SDHC: variants seen among roughly 807,000 people sequenced by gnomAD.
SDHC encodes succinate dehydrogenase cytochrome b560 subunit, mitochondrial.
In SDHC, 11 loss-of-function variants were observed where a neutral mutation model predicts 22.6. The observed-to-expected ratio is 0.49, with a 90% CI of 0.31 to 0.81. The LOEUF (loss-of-function observed/expected upper bound fraction) is 0.81, where lower values mean the gene tolerates loss of function less well. Ranked by LOEUF, SDHC falls within the 30% of genes least tolerant of loss-of-function variation. The pLI, the probability that SDHC is intolerant of heterozygous loss-of-function variation, is 0.05. For synonymous variants in SDHC, 80 were observed against 77.8 expected (o/e 1.03, Z -0.15); for missense variants, 160 against 212.0 (o/e 0.75, Z 1.52).
rs538142278 is a variant in SDHC, at chr1:161,336,748, G to GT, written c.180-3840dup. ...ATATTTTCTATTACCCATTTTTTGG[G>GT]TTTTTTGAAAGAGGCCTGGAAGTAA... On this transcript the variant is annotated intron_variant, in intron 3 of 5. Transcript: ENST00000367975. 3.0e-3 allele frequency among the ~76,000 whole-genome samples: 463 copies of GT among 152,214 alleles called. 1 individual carries two copies. Among genetic ancestry groups the GT allele is most frequent in the African/African-American group, 0.01 (419 of 41,556 alleles).
chr1:161,358,032 CTTTTTTTTTTTT>C (rs34253350), intron 5 of SDHC, among the ~76,000 whole-genome samples: 2 of 104,830 alleles, frequency 1.9e-5, no homozygotes, highest in Non-Finnish European at 3.8e-5. Context: ...GGTTAGGAAT[CTTTTTTTTTTTT>C]TTTTTTTTTT....
At chr1:161,358,626 C>A (rs113563654) in intron 5 of SDHC, among the ~76,000 whole-genome samples, 17,655 of 149,532 alleles carry the variant, frequency 0.12, 1,395 homozygotes, top group African/African-American at 0.22. Flanking sequence ...GACAGAGTGA[C>A]CCCATCTAAA....
At chr1:161,323,543 A>G (rs1670918666) in intron 1 of SDHC, 71 bp from the exon 2 acceptor site, 21 of 1,198,574 alleles carry the variant, frequency 1.8e-5, no homozygotes, top group Non-Finnish European at 2.5e-5. Context: ...TTCACCCCTA[A>G]AAATAGAGAA....
At chr1:161,345,868 C>G (rs779124425) in intron 4 of SDHC, among the ~76,000 whole-genome samples, 15 of 151,924 alleles carry the variant, frequency 9.9e-5, no homozygotes, top group Non-Finnish European at 2.2e-4. Context: ...TGCAGTGGCG[C>G]GATCTCAGCT....
chr1:161,327,745 G>C (rs971827346), intron 2 of SDHC, among the ~76,000 whole-genome samples: 1 of 151,778 alleles, frequency 6.6e-6, no homozygotes, highest in Non-Finnish European at 1.5e-5. Flanking sequence ...TCTATTTTTA[G>C]TAGAGATGGG....
chr1:161,348,479 A>G (rs1399041127), intron 4 of SDHC, among the ~76,000 whole-genome samples: 1 of 151,698 alleles, frequency 6.6e-6, no homozygotes, highest in Non-Finnish European at 1.5e-5. Context: ...TGAAAGGTTG[A>G]AAGAGGAGAC....
chr1:161,339,585 A>G (rs573539521), intron 3 of SDHC: 1 of 1,262,606 alleles, frequency 7.9e-7, no homozygotes, highest in African/African-American at 1.5e-5. Flanking sequence ...GCAGTCTGGT[A>G]AAGGTAGGGA....
chr1:161,350,077 A>G (rs1672050595), intron 4 of SDHC, among the ~76,000 whole-genome samples: 1 of 151,976 alleles, frequency 6.6e-6, no homozygotes, highest in African/African-American at 2.4e-5. Context: ...TGCCTGGTTA[A>G]TTTTGTATTT....
At chr1:161,355,984 CAAAAAAAAAAAA>C (rs60684612) in intron 4 of SDHC, among the ~76,000 whole-genome samples, 1 of 88,370 alleles carries the variant, frequency 1.1e-5, no homozygotes, top group Non-Finnish European at 2.4e-5. Context: ...GACTCTGTCT[CAAAAAAAAAAAA>C]AAAAAAAAGA....
At chr1:161,360,243 G>T (rs1397541176) in intron 5 of SDHC, among the ~76,000 whole-genome samples, 1 of 150,934 alleles carries the variant, frequency 6.6e-6, no homozygotes, top group East Asian at 1.9e-4. Flanking sequence ...ACACAAGAGA[G>T]TCAAAATTAG....
At chr1:161,334,721 C>T (rs1558170895) in intron 3 of SDHC, among the ~76,000 whole-genome samples, 1 of 124,088 alleles carries the variant, frequency 8.1e-6, no homozygotes, top group Non-Finnish European at 1.6e-5. Flanking sequence ...TTACGGCTCA[C>T]TCCCTCTTTA....
chr1:161,339,643 A>G (rs997238950), intron 3 of SDHC: 3 of 432,344 alleles, frequency 6.9e-6, no homozygotes, highest in Non-Finnish European at 1.0e-5. Context: ...TATTTTTGTA[A>G]CCTAATCCTG....
At chr1:161,333,605 T>C (rs1288460275) in intron 3 of SDHC, among the ~76,000 whole-genome samples, 1 of 152,180 alleles carries the variant, frequency 6.6e-6, no homozygotes, top group Non-Finnish European at 1.5e-5. Context: ...GGTTTCACCA[T>C]GTCGGTCAGG....
chr1:161,347,583 T>C (rs1057176585), intron 4 of SDHC, among the ~76,000 whole-genome samples: 4 of 147,076 alleles, frequency 2.7e-5, no homozygotes, highest in African/African-American at 9.9e-5. Context: ...ATGGTGTTTA[T>C]GGGGCCAGGC....
At chr1:161,351,978 T>C (rs1672113342) in intron 4 of SDHC, among the ~76,000 whole-genome samples, 1 of 152,202 alleles carries the variant, frequency 6.6e-6, no homozygotes, top group Non-Finnish European at 1.5e-5. Context: ...CAGTTACATA[T>C]ATAGGACTTA....
At chr1:161,317,751 G>A (rs1311865684) in intron 1 of SDHC, among the ~76,000 whole-genome samples, 1 of 150,606 alleles carries the variant, frequency 6.6e-6, no homozygotes, top group Non-Finnish European at 1.5e-5. Flanking sequence ...AGTAGAGACG[G>A]GGTTTCACCA....
intron 1 of SDHC, among the ~76,000 whole-genome samples, chr1:161,317,749 C>T (rs527494608): frequency 5.1e-4 from 76 of 150,414 alleles, no homozygotes; most frequent in Middle Eastern, 3.4e-3. Context: ...TTAGTAGAGA[C>T]GGGGTTTCAC....
intron 1 of SDHC, among the ~76,000 whole-genome samples, chr1:161,315,421 A>G (rs908712244): frequency 1.6e-4 from 24 of 152,190 alleles, no homozygotes; most frequent in African/African-American, 5.8e-4. Flanking sequence ...CCTGTTTTTC[A>G]TCTCCATATG....
intron 3 of SDHC, among the ~76,000 whole-genome samples, chr1:161,339,888 C>T (rs1035746986): frequency 1.3e-5 from 2 of 151,772 alleles, no homozygotes; most frequent in African/African-American, 4.8e-5. Flanking sequence ...CCATGTTGGT[C>T]AGGCTGATTG....
Sources: gnomAD v4.1 joint callset for allele counts (sites outside exome capture counted in the v4.1 genomes callset) on GRCh38, gnomAD v4.1.1 for gene constraint, MANE v1.5 for transcripts, NCBI Gene and HGNC (gene_info 2026-07-23, HGNC 2026-07-21) for gene names.